TMTC2: variants seen among roughly 807,000 people sequenced by gnomAD.
TMTC2 encodes protein O-mannosyl-transferase TMTC2.
A neutral mutation model predicts 82.4 loss-of-function variants in TMTC2; 43 were observed. The observed-to-expected ratio is 0.52, with a 90% confidence interval of 0.41 to 0.67. The LOEUF (loss-of-function observed/expected upper bound fraction) is 0.67. TMTC2 is among the 30% of genes least tolerant of loss of function. The pLI, the probability that TMTC2 is intolerant of heterozygous loss-of-function variation, is 0.00. For synonymous variants in TMTC2, 408 were observed against 381.9 expected (o/e 1.07, Z -0.80); for missense variants, 919 against 1,012.4 (o/e 0.91, Z 1.25).
At chr12:82,857,892 A>G (rs1007836400) in intron 2 of TMTC2, among the ~76,000 whole-genome samples, 4 of 152,360 alleles carry the variant, frequency 2.6e-5, no homozygotes, top group Admixed American at 2.6e-4. Context: ...CAAATTGTCT[A>G]TAATCTGATA....
At chr12:83,132,182 A>C (rs941718330) in intron 11 of TMTC2, 28 bp from the exon 12 acceptor site, 2 of 1,569,092 alleles carry the variant, frequency 1.3e-6, no homozygotes, top group Non-Finnish European at 1.7e-6. Context: ...TGGCCTCCTA[A>C]TTGTTTTCCT....
intron 11 of TMTC2, among the ~76,000 whole-genome samples, chr12:83,078,484 T>C (rs947694277): frequency 6.6e-6 from 1 of 152,090 alleles, no homozygotes; most frequent in Non-Finnish European, 1.5e-5. Context: ...ACTGACATCA[T>C]CAAGAGGGAA....
chr12:82,779,831 G>A (rs865831457), intron 1 of TMTC2, among the ~76,000 whole-genome samples: 2 of 152,078 alleles, frequency 1.3e-5, no homozygotes, highest in South Asian at 2.1e-4. Flanking sequence ...ACCAAGAGGC[G>A]GAGGATGCAG....
chr12:82,766,941 A>G (rs1198215526), intron 1 of TMTC2, among the ~76,000 whole-genome samples: 1 of 152,148 alleles, frequency 6.6e-6, no homozygotes, highest in Middle Eastern at 3.4e-3. Flanking sequence ...TGGGACTACA[A>G]GTGCACGCCA....
chr12:82,874,733 A>G (rs1357014017), intron 2 of TMTC2, among the ~76,000 whole-genome samples: 1 of 152,062 alleles, frequency 6.6e-6, no homozygotes, highest in Non-Finnish European at 1.5e-5. Flanking sequence ...TTTATGAGTC[A>G]ATCCCACTTT....
intron 11 of TMTC2, among the ~76,000 whole-genome samples, chr12:83,071,248 G>A (rs1187364216): frequency 1.3e-5 from 2 of 150,124 alleles, no homozygotes; most frequent in East Asian, 2.0e-4. Context: ...TCCACCTCCT[G>A]GGTTCACGCC....
Position 83,100,057 on chromosome 12 carries a change from T to C in TMTC2, c.2332-32153T>C, listed in dbSNP as rs557265236. On this transcript the variant is annotated intron_variant, in intron 11 of 11. Coordinates refer to ENST00000321196, the MANE Select transcript of TMTC2 (RefSeq NM_152588.3). ...GTCTCAGCCTCCCGAGTAGCTGGGA[T>C]TCCCGGCGCCCGCCACCATGCTTGG... Among the ~76,000 whole-genome samples, 17 of 152,076 alleles carry C rather than the reference T, an allele frequency of 1.1e-4. No individual in the cohort carries two copies. The East Asian group carries it at 3.1e-3, about 28-fold the overall frequency.
At chr12:83,066,366 A>C (rs531231898) in intron 11 of TMTC2, among the ~76,000 whole-genome samples, 18 of 152,044 alleles carry the variant, frequency 1.2e-4, no homozygotes, top group African/African-American at 3.9e-4. Context: ...AGAACTATAC[A>C]CATGAACTAG....
chr12:82,926,058 T>C (rs1384265584), intron 3 of TMTC2, among the ~76,000 whole-genome samples: 2 of 151,366 alleles, frequency 1.3e-5, no homozygotes, highest in African/African-American at 4.9e-5. Context: ...CTCGGCTCAC[T>C]GCAACCACTG....
chr12:82,808,996 G>A (rs1287555010), intron 1 of TMTC2, among the ~76,000 whole-genome samples: 3 of 144,726 alleles, frequency 2.1e-5, no homozygotes, highest in African/African-American at 7.9e-5. Flanking sequence ...TAAATCCATT[G>A]TTTGATTTTT....
chr12:82,708,840 C>G (rs1873494939), intron 1 of TMTC2, among the ~76,000 whole-genome samples: 1 of 152,176 alleles, frequency 6.6e-6, no homozygotes, highest in Admixed American at 6.5e-5. Context: ...CTTGACCTCC[C>G]CATGGGTATC....
chr12:83,033,801 TAC>T (rs944819777), intron 9 of TMTC2, among the ~76,000 whole-genome samples: 7 of 135,560 alleles, frequency 5.2e-5, no homozygotes, highest in Non-Finnish European at 7.8e-5. Context: ...TATATATATA[TAC>T]ACATATATGT....
intron 11 of TMTC2, among the ~76,000 whole-genome samples, chr12:83,084,776 G>C (rs1883594509): frequency 6.6e-6 from 1 of 152,150 alleles, no homozygotes; most frequent in East Asian, 1.9e-4. Flanking sequence ...ACACTGAAGG[G>C]GGACAGTGTG....
At chr12:83,000,812 GC>G (rs1378892335) in intron 8 of TMTC2, among the ~76,000 whole-genome samples, 3 of 152,188 alleles carry the variant, frequency 2.0e-5, no homozygotes, top group Non-Finnish European at 4.4e-5. Flanking sequence ...GGTCATCCAG[GC>G]ATTTACATAC....
rs149154625 is a variant in TMTC2, at chr12:83,104,752, G to A, written c.2332-27458G>A. ...GATATTAGCATTTGGCTCCATTTTG[G>A]TTCTGCAAATACCTCTAGCAAGTGG... On this transcript the variant is annotated intron_variant, in intron 11 of 11. Transcript: ENST00000321196. Among the ~76,000 whole-genome samples, 21 of 152,258 alleles carry A rather than the reference G, an allele frequency of 1.4e-4. No individual in the cohort carries two copies. In the East Asian group the frequency reaches 2.9e-3, roughly 21 times the overall value.
chr12:82,887,616 T>A (rs1039698720), intron 2 of TMTC2, among the ~76,000 whole-genome samples: 3 of 152,338 alleles, frequency 2.0e-5, no homozygotes, highest in Middle Eastern at 3.4e-3. Flanking sequence ...AACCTTATAT[T>A]GGCTGACTTT....
intron 4 of TMTC2, among the ~76,000 whole-genome samples, chr12:82,948,478 CA>C (rs1211168776): frequency 6.6e-6 from 1 of 151,994 alleles, no homozygotes; most frequent in Non-Finnish European, 1.5e-5. Flanking sequence ...CTATTCCAAG[CA>C]AAAAAATATA....
intron 11 of TMTC2, among the ~76,000 whole-genome samples, chr12:83,066,437 A>T (rs1462098959): frequency 6.6e-6 from 1 of 151,994 alleles, no homozygotes; most frequent in African/African-American, 2.4e-5. Flanking sequence ...AACTAGCATA[A>T]AACTACATGA....
chr12:83,124,871 A>C (rs1885058273), intron 11 of TMTC2, among the ~76,000 whole-genome samples: 1 of 152,170 alleles, frequency 6.6e-6, no homozygotes, highest in Non-Finnish European at 1.5e-5. Context: ...AAAGAAACTG[A>C]AGATAGGGAG....
Sources: allele counts gnomAD v4.1 joint callset (sites outside exome capture counted in the v4.1 genomes callset), GRCh38; gene constraint gnomAD v4.1.1; transcripts MANE v1.5; gene names NCBI Gene and HGNC (gene_info 2026-07-23, HGNC 2026-07-21).